SLC5A1: variants seen among roughly 807,000 people sequenced by gnomAD.
The protein encoded by SLC5A1 is solute carrier family 5 member 1, also known as sodium/glucose cotransporter 1.
Under a neutral mutation model 73.5 loss-of-function variants are expected in SLC5A1, and 42 were observed. That is an observed-to-expected ratio of 0.57 (90% CI 0.45 to 0.74). The LOEUF is 0.74. Among genes scored for constraint, SLC5A1 ranks in the 30% least tolerant of loss-of-function variants. SLC5A1 has a pLI of 0.00. For synonymous variants in SLC5A1, 300 were observed against 317.4 expected (o/e 0.95, Z 0.58); for missense variants, 634 against 855.4 (o/e 0.74, Z 3.23).
chr22:32,080,680 C>T (rs980487609), intron 5 of SLC5A1, among the ~76,000 whole-genome samples: 2 of 152,126 alleles, frequency 1.3e-5, no homozygotes, highest in African/African-American at 4.8e-5. Context: ...AGTCCAGTTT[C>T]GTCCACACCT....
In SLC5A1 at chr22:32,110,161, A is replaced by G. The variant is rs769667406; in HGVS notation, c.1943A>G (p.Asn648Ser). 6.2e-7 allele frequency: 1 copy of G among 1,614,130 alleles called. No homozygotes were observed. Among genetic ancestry groups the G allele is most frequent in the Non-Finnish European group, 8.5e-7 (1 of 1,179,992 alleles). ...KPLWRTVLNVNGIILVTVAVF... is the reference protein window; with the variant it reads ...KPLWRTVLNVSGIILVTVAVF... ...TTGTGGAGGACAGTGTTGAACGTCA[A>G]TGGCATCATCCTGGTGACCGTGGCT... Residue 648 changes from asparagine (N) to serine (S), a missense_variant, in exon 15 of 15, where the codon AAT (asparagine) becomes AGT (serine). Around this residue, in one of 3 missense-constraint regions of SLC5A1, gnomAD observed 161 missense variants for 178.7 expected, o/e 0.90. Transcript: ENST00000266088.
Position 32,081,879 on chromosome 22 carries a change from C to T in SLC5A1, c.491C>T (p.Ser164Leu), listed in dbSNP as rs775315224. Residue 164 changes from serine (S) to leucine (L), a missense_variant, in exon 6 of 15, where the codon TCG becomes TTG. Ser to Leu is a moderately radical substitution (Grantham distance 145). Transcript: ENST00000266088. ...CTCTCCTTCCAGGCAGACATCTTCT[C>T]GGGGGCCATATTCATCAATCTGGCC... ...IFTKISADIF[S>L]GAIFINLALG... 6 of 1,612,700 alleles carry T rather than the reference C, an allele frequency of 3.7e-6. No individual in the cohort carries two copies. The highest frequency in any genetic ancestry group is 1.3e-5 in the African/African-American group (1 of 75,000).
intron 2 of SLC5A1, among the ~76,000 whole-genome samples, chr22:32,052,669 TCTTA>T (rs1420090020): frequency 1.3e-5 from 2 of 152,146 alleles, no homozygotes; most frequent in African/African-American, 4.8e-5. Context: ...CTGCATGTGC[TCTTA>T]CTTATCCCAG....
rs1471126341 is a variant in SLC5A1, at chr22:32,112,931, C to G, written c.*2718C>G. The G allele has an allele frequency of 1.3e-5, 2 of 152,078 alleles. No individual in the cohort carries two copies. The highest frequency in any genetic ancestry group is 2.9e-5 in the Non-Finnish European group (2 of 68,008). The allele number at this position is 152,078 out of a possible 1,614,324, so 9.4% of individuals were successfully genotyped here. A position where few individuals can be genotyped will look rare whatever the true frequency, so the allele number is the denominator to read the frequency against. On this transcript the variant is annotated 3_prime_UTR_variant, in exon 15 of 15. Coordinates refer to ENST00000266088, the MANE Select transcript of SLC5A1 (RefSeq NM_000343.4). ...TAGATGTTAATTACCTTAATTTAGT[C>G]ATTTCACAATATGTACATATATAAA...
chr22:32,100,544 G>GA (rs2094034574), intron 12 of SLC5A1, among the ~76,000 whole-genome samples: 2 of 151,982 alleles, frequency 1.3e-5, no homozygotes, highest in Admixed American at 1.3e-4. Flanking sequence ...TTTTTATTAT[G>GA]AAAAAATTTG....
At chr22:32,060,176 CACACACACACAT>C (rs968908795) in intron 2 of SLC5A1, among the ~76,000 whole-genome samples, 47 of 105,814 alleles carry the variant, frequency 4.4e-4, no homozygotes, top group East Asian at 7.2e-4. Context: ...CACACACACA[CACACACACACAT>C]ATATATATAT....
chr22:32,056,843 G>T lies in SLC5A1; in HGVS notation c.207+6829G>T, dbSNP rs190375032. The stretch of plus-strand genomic sequence containing the variant: ...GACCTTGTTTCCTCAAGGAGAAAAC[G>T]ATGACTCTGTTTCTTTCAGGAAATT... On this transcript the variant is annotated intron_variant, in intron 2 of 14. Coordinates refer to ENST00000266088, the MANE Select transcript of SLC5A1 (RefSeq NM_000343.4). 2.0e-5 allele frequency among the ~76,000 whole-genome samples: 3 copies of T among 152,324 alleles called. No individual in the cohort carries two copies. In the East Asian group the frequency reaches 5.8e-4, roughly 29 times the overall value.
At position 32,068,558 on chromosome 22, in the gene SLC5A1, T is replaced by A. The variant is rs2093977928; in HGVS notation, c.435T>A (p.Leu145=). The A allele has an allele frequency of 6.2e-7, 1 of 1,613,770 alleles. No individual in the cohort carries two copies. Among genetic ancestry groups the A allele is most frequent in the South Asian group, 1.1e-5 (1 of 91,064 alleles). ...RFGGQRIQVY[L]SLLSLLLYIF... ...GAGGCCAGCGGATCCAGGTCTACCT[T>A]TCCCTTCTGTCCCTGCTGCTCTACA... The change falls in exon 5 of 15, where the codon CTT becomes CTA. Residue 145 remains leucine (L), a synonymous_variant. Coordinates refer to ENST00000266088, the MANE Select transcript of SLC5A1 (RefSeq NM_000343.4).
chr22:32,051,160 A>C (rs117338064), intron 2 of SLC5A1, among the ~76,000 whole-genome samples: 6,829 of 152,348 alleles, frequency 0.045, 208 homozygotes, highest in Non-Finnish European at 0.07. Flanking sequence ...TGGCAGAGCC[A>C]GCTCCATGGG....
chr22:32,086,458 A>G (rs970401336), intron 10 of SLC5A1, 131 bp downstream of exon 10: 1 of 710,212 alleles, frequency 1.4e-6, no homozygotes, highest in Non-Finnish European at 2.6e-6. Context: ...GGAAAGCATC[A>G]TTGTGGGTGT....
At chr22:32,085,753 G>GGGCA (rs151143807) in intron 9 of SLC5A1, among the ~76,000 whole-genome samples, 1,571 of 152,162 alleles carry the variant, frequency 0.01, 24 homozygotes, top group African/African-American at 0.036. Context: ...CAGCAGGGCG[G>GGGCA]GGCAGGCACC....
chr22:32,043,417 G>A lies in SLC5A1; in HGVS notation c.135+1G>A. On this transcript the variant is annotated splice_donor_variant, in intron 1 of 14. Transcript: ENST00000266088. LOFTEE classifies it high-confidence loss of function. This position sits in a 1 kb window ranked among gnomAD's most constrained non-coding sequence, Gnocchi z 6.5. ...GGTAGTGATGGCCGTCGGACTGTGGGTATGCAGCGGGTTCTGGGATGCGGG... is the reference window on the plus strand; with the variant it reads ...GGTAGTGATGGCCGTCGGACTGTGGATATGCAGCGGGTTCTGGGATGCGGG... The A allele has an allele frequency of 6.2e-7, 1 of 1,613,784 alleles. No individual in the cohort carries two copies. The highest frequency in any genetic ancestry group is 8.5e-7 in the Non-Finnish European group (1 of 1,179,896).
rs1254079492 is a variant in SLC5A1, at chr22:32,084,458, C to A, written c.684C>A (p.Gly228=). ...LTGFAFHEVG[G]YDAFMEKYMK... is the part of the protein sequence containing the mutation. Reference sequence around the variant, plus strand: ...TTCCAGCTTTTCACGAAGTGGGAGGCTATGACGCCTTCATGGAAAAGTACA... The same window carrying A: ...TTCCAGCTTTTCACGAAGTGGGAGGATATGACGCCTTCATGGAAAAGTACA... Residue 228 remains glycine (G), a synonymous_variant, in exon 8 of 15, where the codon GGC becomes GGA. Transcript: ENST00000266088. The A allele has an allele frequency of 2.5e-6, 4 of 1,614,022 alleles. No individual in the cohort carries two copies. The highest frequency in any genetic ancestry group is 3.4e-6 in the Non-Finnish European group (4 of 1,179,970).
intron 1 of SLC5A1, among the ~76,000 whole-genome samples, chr22:32,044,591 T>G (rs544010834): frequency 6.6e-6 from 1 of 151,956 alleles, no homozygotes; most frequent in East Asian, 1.9e-4. Flanking sequence ...ATGGGGTCAG[T>G]ATGGCTGACT....
intron 2 of SLC5A1, 29 bp downstream of exon 2, chr22:32,050,043 T>G: frequency 6.5e-7 from 1 of 1,543,154 alleles, no homozygotes; most frequent in Non-Finnish European, 9.0e-7. Flanking sequence ...GCTATTTACA[T>G]AACTGCTTAA....
intron 5 of SLC5A1, among the ~76,000 whole-genome samples, chr22:32,078,922 T>G (rs984511328): frequency 1.5e-5 from 2 of 133,278 alleles, no homozygotes; most frequent in African/African-American, 6.3e-5. Context: ...GCCACTGCAC[T>G]CCAGCCTGGC....
chr22:32,045,588 C>T (rs2093936070), intron 1 of SLC5A1, among the ~76,000 whole-genome samples: 1 of 152,200 alleles, frequency 6.6e-6, no homozygotes, highest in African/African-American at 2.4e-5. Flanking sequence ...TTAGAAAAGA[C>T]CCACACAGTC....
At chr22:32,062,110 TAAAG>T (rs2093964129) in intron 2 of SLC5A1, among the ~76,000 whole-genome samples, 1 of 152,212 alleles carries the variant, frequency 6.6e-6, no homozygotes, top group Non-Finnish European at 1.5e-5. Flanking sequence ...TCAGCTCAAA[TAAAG>T]AATGACTTTT....
rs775682591 is a variant in SLC5A1 at position 32,060,178 on chromosome 22, CACACACACAT to C, written c.208-6755_208-6746del. On this transcript the variant is annotated intron_variant, in intron 2 of 14. Transcript: ENST00000266088. ...ACACACACACACACACACACACACA[CACACACACAT>C]ATATATATATATTTTTTTAAGAGAT... is the stretch of plus-strand genomic sequence containing the variant. Among the ~76,000 whole-genome samples, 176 of 112,726 alleles carry C rather than the reference CACACACACAT, an allele frequency of 1.6e-3. 2 individuals are homozygous for C. Among genetic ancestry groups the C allele is most frequent in the Middle Eastern group, 9.8e-3 (2 of 204 alleles). The allele number at this position is 112,726 out of a possible 152,430, so 74.0% of individuals were successfully genotyped here. A position where few individuals can be genotyped will look rare whatever the true frequency, so the allele number is the denominator to read the frequency against.
Sources: allele counts gnomAD v4.1 joint callset (sites outside exome capture counted in the v4.1 genomes callset), GRCh38; gene constraint gnomAD v4.1.1; regional missense constraint gnomAD v4.1.1; non-coding constraint Gnocchi (gnomAD v3.1); transcripts MANE v1.5; gene names NCBI Gene and HGNC (gene_info 2026-07-23, HGNC 2026-07-21).